Variants in CNTN5 observed in about 807,000 individuals in gnomAD.
CNTN5 encodes the protein contactin-5.
In CNTN5, 77 loss-of-function variants were observed where a neutral mutation model predicts 129.1. The observed-to-expected ratio is 0.60, with a 90% confidence interval of 0.50 to 0.72. CNTN5 has a LOEUF of 0.72. Among genes scored for constraint, CNTN5 ranks in the 30% least tolerant of loss-of-function variants. The probability of loss-of-function intolerance (pLI) is 0.00; values close to 1 mark genes in which losing one functional copy is unlikely to be tolerated. For synonymous variants in CNTN5, 509 were observed against 465.6 expected (o/e 1.09, Z -1.20); for missense variants, 1,478 against 1,328.8 (o/e 1.11, Z -1.75).
At chr11:99,072,774 C>T (rs1865391857) in intron 1 of CNTN5, among the ~76,000 whole-genome samples, 1 of 152,016 alleles carries the variant, frequency 6.6e-6, no homozygotes, top group African/African-American at 2.4e-5. Context: ...CTTAAGTGTA[C>T]CATTCAATGA....
intron 18 of CNTN5, among the ~76,000 whole-genome samples, chr11:100,291,204 T>A (rs1950957844): frequency 6.6e-6 from 1 of 150,768 alleles, no homozygotes; most frequent in African/African-American, 2.4e-5. Flanking sequence ...GTGTGGCGAT[T>A]CCTCAGGGAT....
rs563680003 is a variant in CNTN5, at chr11:99,694,568, A to T, written c.56-124976A>T. 2.0e-5 allele frequency among the ~76,000 whole-genome samples: 3 copies of T among 152,254 alleles called. No individual in the cohort carries two copies. The South Asian group carries it at 6.2e-4, about 32-fold the overall frequency. On this transcript the variant is annotated intron_variant, in intron 3 of 24. Transcript: ENST00000524871. ...AAGTTCTGGGACACATGTGCAGAAT[A>T]TGCAGGTTTGTTACTTAGGTATACA...
chr11:99,578,655 C>T (rs10893528), intron 3 of CNTN5, among the ~76,000 whole-genome samples: 30,012 of 148,328 alleles, frequency 0.2, 4,139 homozygotes, highest in African/African-American at 0.4. Context: ...TCATGTCCTT[C>T]GCCCACTTTT....
chr11:100,049,934 C>T (rs1418637512), intron 9 of CNTN5, among the ~76,000 whole-genome samples: 1 of 152,162 alleles, frequency 6.6e-6, no homozygotes, highest in African/African-American at 2.4e-5. Context: ...GATACCATCT[C>T]ACACCAGTTA....
chr11:100,013,982 T>A (rs1940679407), intron 9 of CNTN5, among the ~76,000 whole-genome samples: 2 of 152,182 alleles, frequency 1.3e-5, no homozygotes, highest in Non-Finnish European at 2.9e-5. Context: ...ATAGTCATAT[T>A]TGTATTAGTT....
intron 3 of CNTN5, among the ~76,000 whole-genome samples, chr11:99,677,563 A>G (rs753627302): frequency 3.3e-5 from 5 of 152,190 alleles, no homozygotes; most frequent in African/African-American, 9.6e-5. Flanking sequence ...TGCAATAAGA[A>G]TAACTTAACT....
rs566141555 is a variant in CNTN5 at position 99,184,039 on chromosome 11, G to C, written c.-209-141307G>C. On this transcript the variant is annotated intron_variant, in intron 1 of 24. Transcript: ENST00000524871. ...ATGCAGCATTGTATTCATTCTCATT[G>C]CCTCCACTCTGGCTGTCATTATGGT... 3.3e-5 allele frequency among the ~76,000 whole-genome samples: 5 copies of C among 152,038 alleles called. No homozygotes were observed. In the South Asian group the frequency reaches 1.0e-3, roughly 32 times the overall value.
chr11:99,831,645 A>T (rs1428765247), intron 4 of CNTN5, among the ~76,000 whole-genome samples: 1 of 152,056 alleles, frequency 6.6e-6, no homozygotes, highest in Non-Finnish European at 1.5e-5. Context: ...TGGCTTAAGG[A>T]AGTGCTTTGC....
intron 15 of CNTN5, among the ~76,000 whole-genome samples, chr11:100,213,526 C>A (rs1488110526): frequency 6.6e-6 from 1 of 152,110 alleles, no homozygotes; most frequent in Non-Finnish European, 1.5e-5. Flanking sequence ...TCATAAAATT[C>A]AATGCCTAGC....
At position 99,845,116 on chromosome 11, in the gene CNTN5, T is replaced by C. The variant is rs1212409801; in HGVS notation, c.431T>C (p.Leu144Pro). 1.2e-6 allele frequency: 2 copies of C among 1,613,678 alleles called. No homozygotes were observed. The highest frequency in any genetic ancestry group is 1.3e-5 in the African/African-American group (1 of 75,020). Reference sequence around the variant, plus strand: ...CTTCGAAATGGAACAGAAATAGATCTGGAAAGTGATTATCGCTACAGTTTG... The same window carrying C: ...CTTCGAAATGGAACAGAAATAGATCCGGAAAGTGATTATCGCTACAGTTTG... Reference protein sequence around the residue: ...RWLRNGTEIDLESDYRYSLID... With the variant: ...RWLRNGTEIDPESDYRYSLID... Residue 144 changes from leucine to proline, a missense_variant, in exon 6 of 25, where the codon CTG (leucine) becomes CCG (proline). Coordinates refer to ENST00000524871, the MANE Select transcript of CNTN5 (RefSeq NM_014361.4).
Position 100,299,299 on chromosome 11 carries a change from C to T in CNTN5, c.2523C>T (p.Val841=). The change falls in exon 20 of 25, where the codon GTC becomes GTT. Residue 841 remains valine, a synonymous_variant. Transcript: ENST00000524871. ...ASKFIYRDES[V]PPLTPFEVKV... ...AATTCATTTATCGAGATGAAAGTGTCCCTCCTCTTACTCCCTTTGAAGTGA... is the reference window on the plus strand; with the variant it reads ...AATTCATTTATCGAGATGAAAGTGTTCCTCCTCTTACTCCCTTTGAAGTGA... The T allele has an allele frequency of 6.2e-7, 1 of 1,610,566 alleles. No homozygotes were observed. The highest frequency in any genetic ancestry group is 2.2e-5 in the East Asian group (1 of 44,776).
At chr11:99,631,140 A>T (rs1165153453) in intron 3 of CNTN5, among the ~76,000 whole-genome samples, 3 of 152,156 alleles carry the variant, frequency 2.0e-5, no homozygotes, top group African/African-American at 7.2e-5. Flanking sequence ...TTTTCAGTTT[A>T]TTGAAATACA....
intron 3 of CNTN5, among the ~76,000 whole-genome samples, chr11:99,571,908 T>C (rs543402237): frequency 6.6e-6 from 1 of 152,164 alleles, no homozygotes; most frequent in Non-Finnish European, 1.5e-5. Context: ...AAGCAAGCTA[T>C]AAAGACTTTG....
chr11:99,230,091 T>C (rs1312662572), intron 1 of CNTN5, among the ~76,000 whole-genome samples: 2 of 152,108 alleles, frequency 1.3e-5, no homozygotes, highest in East Asian at 1.9e-4. Flanking sequence ...AAAACTTACA[T>C]ACAATGATTC....
intron 9 of CNTN5, among the ~76,000 whole-genome samples, chr11:100,009,251 A>G (rs77236418): frequency 0.01 from 1,585 of 152,212 alleles, 35 homozygotes; most frequent in African/African-American, 0.036. Flanking sequence ...GAACTCAACA[A>G]GAGTGTACTA....
At chr11:100,329,442 G>T (rs1159551668) in intron 21 of CNTN5, among the ~76,000 whole-genome samples, 1 of 152,224 alleles carries the variant, frequency 6.6e-6, no homozygotes, top group Non-Finnish European at 1.5e-5. Flanking sequence ...TGTGCTTAGG[G>T]CAAGTTTGCA....
intron 3 of CNTN5, among the ~76,000 whole-genome samples, chr11:99,727,170 G>T (rs551069790): frequency 6.7e-6 from 1 of 148,894 alleles, no homozygotes; most frequent in Non-Finnish European, 1.5e-5. Context: ...GCCGGGCGCG[G>T]TGGCGGGCGC....
chr11:99,723,449 C>G (rs1018536633), intron 3 of CNTN5, among the ~76,000 whole-genome samples: 1 of 152,146 alleles, frequency 6.6e-6, no homozygotes, highest in Non-Finnish European at 1.5e-5. Flanking sequence ...CTTTGCATCT[C>G]TACTCCAACC....
intron 1 of CNTN5, among the ~76,000 whole-genome samples, chr11:99,239,806 G>C (rs1056744386): frequency 2.6e-5 from 4 of 151,950 alleles, no homozygotes; most frequent in Non-Finnish European, 4.4e-5. Context: ...GCGTGGTGGC[G>C]GGCGCCTGTA....
Sources: allele counts gnomAD v4.1 joint callset (sites outside exome capture counted in the v4.1 genomes callset), GRCh38; gene constraint gnomAD v4.1.1; transcripts MANE v1.5; gene names NCBI Gene and HGNC (gene_info 2026-07-23, HGNC 2026-07-21).